DISC1: variants seen among roughly 807,000 people sequenced by gnomAD.
DISC1 encodes the protein DISC1 scaffold protein, also known as disrupted in schizophrenia 1 protein.
DISC1 carries 57 observed loss-of-function variants against 84.5 expected under a neutral mutation model. The ratio of observed to expected loss-of-function variants is 0.67; its 90% CI spans 0.55 to 0.84. The LOEUF is 0.84. Ranked by LOEUF, DISC1 falls within the 40% of genes least tolerant of loss-of-function variation. The pLI, the probability that DISC1 is intolerant of heterozygous loss-of-function variation, is 0.00. For synonymous variants in DISC1, 411 were observed against 415.2 expected (o/e 0.99, Z 0.12); for missense variants, 1,000 against 1,057.8 (o/e 0.95, Z 0.76).
chr1:231,818,740 C>T (rs1283911427), intron 9 of DISC1: 1 of 1,394,924 alleles, frequency 7.2e-7, no homozygotes, highest in African/African-American at 1.5e-5. Flanking sequence ...TTTTCTTTTT[C>T]TGTTCCCTGT....
chr1:231,914,112 G>A (rs538392416), intron 9 of DISC1, among the ~76,000 whole-genome samples: 68 of 152,252 alleles, frequency 4.5e-4, no homozygotes, highest in African/African-American at 1.4e-3. Context: ...TTTCCACTCC[G>A]CCCATCCCTA....
At chr1:231,842,006 T>G (rs2083105797) in intron 9 of DISC1, among the ~76,000 whole-genome samples, 2 of 152,164 alleles carry the variant, frequency 1.3e-5, no homozygotes, top group African/African-American at 2.4e-5. Flanking sequence ...TGTTTTTTAT[T>G]TTTATTTTTT....
intron 9 of DISC1, among the ~76,000 whole-genome samples, chr1:231,847,950 T>C (rs1022222698): frequency 5.3e-5 from 8 of 152,126 alleles, no homozygotes; most frequent in African/African-American, 1.9e-4. Context: ...CCAGAAGAGT[T>C]AGGAAGAAAT....
intron 3 of DISC1, among the ~76,000 whole-genome samples, chr1:231,749,672 A>C (rs1268067619): frequency 6.6e-6 from 1 of 152,218 alleles, no homozygotes; most frequent in East Asian, 1.9e-4. Flanking sequence ...CATAATTATG[A>C]CCATCATATC....
At chr1:231,936,509 A>C (rs1314969636) in intron 9 of DISC1, among the ~76,000 whole-genome samples, 1 of 152,196 alleles carries the variant, frequency 6.6e-6, no homozygotes, top group Non-Finnish European at 1.5e-5. Flanking sequence ...ATTTTGAAAG[A>C]GGTTTGAATG....
intron 10 of DISC1, among the ~76,000 whole-genome samples, chr1:231,996,606 A>G (rs903910269): frequency 1.3e-5 from 2 of 152,198 alleles, no homozygotes; most frequent in Non-Finnish European, 2.9e-5. Context: ...GTCAGAACTC[A>G]GTATTTACTC....
intron 6 of DISC1, among the ~76,000 whole-genome samples, chr1:231,790,997 G>C (rs2078305879): frequency 6.6e-6 from 1 of 152,152 alleles, no homozygotes. Context: ...CCGGTGACAG[G>C]CACCTTTGCA....
Position 231,630,504 on chromosome 1 carries a change from G to A in DISC1, c.67+3570G>A, listed in dbSNP as rs2058629859. Among the ~76,000 whole-genome samples the A allele has an allele frequency of 6.6e-6, 1 of 151,922 alleles. No individual in the cohort carries two copies. The highest frequency in any genetic ancestry group is 1.9e-4 in the East Asian group (1 of 5,164). ...ATGATGGTAATTGAGTTTATATGCT[G>A]TGTTCTCATGAATCCAAGCAGAGCC... On this transcript the variant is annotated intron_variant, in intron 1 of 12. Coordinates refer to ENST00000439617, the MANE Select transcript of DISC1 (RefSeq NM_018662.3). This position sits in a 1 kb window ranked among gnomAD's most constrained non-coding sequence, Gnocchi z 4.4.
chr1:231,976,303 G>A (rs754088325), intron 10 of DISC1, among the ~76,000 whole-genome samples: 5 of 152,166 alleles, frequency 3.3e-5, no homozygotes, highest in Admixed American at 6.5e-5. Context: ...GGTGTCAGCC[G>A]TGAATCTCAC....
At chr1:231,955,254 C>T (rs1394940930) in intron 9 of DISC1, among the ~76,000 whole-genome samples, 2 of 152,180 alleles carry the variant, frequency 1.3e-5, no homozygotes, top group African/African-American at 2.4e-5. Context: ...TTGCTTCAAA[C>T]GCCAATCCCA....
intron 5 of DISC1, among the ~76,000 whole-genome samples, chr1:231,767,946 G>T (rs2076284638): frequency 6.6e-6 from 1 of 152,222 alleles, no homozygotes; most frequent in Non-Finnish European, 1.5e-5. Flanking sequence ...ACTGTGAGCT[G>T]CAGTTGTTAA....
chr1:231,863,849 A>G lies in DISC1; in HGVS notation c.1981+45332A>G, dbSNP rs1318527494. Among the ~76,000 whole-genome samples, 16 of 152,338 alleles carry G rather than the reference A, an allele frequency of 1.1e-4. No individual in the cohort carries two copies. In the East Asian group the frequency reaches 2.9e-3, roughly 28 times the overall value. ...AGGAACAATGTGGAGGAAAAGGACC[A>G]GTGTAGATCAGAAGTCCATGAGCGG... On this transcript the variant is annotated intron_variant, in intron 9 of 12. Coordinates refer to ENST00000439617, the MANE Select transcript of DISC1 (RefSeq NM_018662.3).
rs531777271 is a variant in DISC1, at chr1:231,741,225, A to T, written c.1118-8701A>T. ...CCACGAGAGACTCACGAGGATGTGA[A>T]ATGTAGGAAGGGGACAAAGCAAAGG... On this transcript the variant is annotated intron_variant, in intron 3 of 12. Transcript: ENST00000439617. Among the ~76,000 whole-genome samples the T allele has an allele frequency of 4.6e-5, 7 of 152,294 alleles. 2 individuals are homozygous for T. Among genetic ancestry groups the T allele is most frequent in the African/African-American group, 1.7e-4 (7 of 41,558 alleles).
intron 6 of DISC1, among the ~76,000 whole-genome samples, chr1:231,779,421 C>G (rs1228868363): frequency 6.6e-6 from 1 of 152,090 alleles, no homozygotes; most frequent in Non-Finnish European, 1.5e-5. Context: ...AGTCTCCACC[C>G]TAAGGTGAAC....
intron 6 of DISC1, among the ~76,000 whole-genome samples, chr1:231,790,124 A>C (rs1337789462): frequency 6.6e-6 from 1 of 152,200 alleles, no homozygotes; most frequent in African/African-American, 2.4e-5. Context: ...GATTGAAAAG[A>C]AACCGTCAGT....
intron 6 of DISC1, among the ~76,000 whole-genome samples, chr1:231,791,735 A>G (rs2078366713): frequency 6.6e-6 from 1 of 152,218 alleles, no homozygotes; most frequent in African/African-American, 2.4e-5. Context: ...GTTTTTTAAA[A>G]AGTGGGGATT....
At chr1:231,917,379 G>A (rs1325070899) in intron 9 of DISC1, among the ~76,000 whole-genome samples, 1 of 152,202 alleles carries the variant, frequency 6.6e-6, no homozygotes, top group African/African-American at 2.4e-5. Flanking sequence ...CCAGGTATGT[G>A]CTATTGCCTT....
At chr1:231,835,621 G>A (rs1442484163) in intron 9 of DISC1, among the ~76,000 whole-genome samples, 2 of 152,178 alleles carry the variant, frequency 1.3e-5, no homozygotes, top group Admixed American at 6.5e-5. Context: ...GGGATATGAT[G>A]GCTTAGCTTG....
At chr1:231,959,486 T>TAG (rs988279316) in intron 10 of DISC1, 28 of 985,448 alleles carry the variant, frequency 2.8e-5, no homozygotes, top group Non-Finnish European at 3.4e-5. Flanking sequence ...CAACAAGTAC[T>TAG]AGAGTGGAAT....
Sources: gnomAD v4.1 joint callset for allele counts (sites outside exome capture counted in the v4.1 genomes callset) on GRCh38, gnomAD v4.1.1 for gene constraint, Gnocchi (gnomAD v3.1) non-coding constraint, MANE v1.5 for transcripts, NCBI Gene and HGNC (gene_info 2026-07-23, HGNC 2026-07-21) for gene names.